RAPGEF4: variants seen among roughly 807,000 people sequenced by gnomAD.
The protein encoded by RAPGEF4 is RAP guanine-nucleotide-exchange factor (GEF) 4.
A neutral mutation model predicts 147.9 loss-of-function variants in RAPGEF4; 66 were observed. That is an observed-to-expected ratio of 0.45 (90% CI 0.37 to 0.55). The LOEUF is 0.55. Ranked by LOEUF, RAPGEF4 falls within the 20% of genes least tolerant of loss-of-function variation. The pLI is 0.00. For synonymous variants in RAPGEF4, 419 were observed against 442.7 expected (o/e 0.95, Z 0.67); for missense variants, 1,071 against 1,257.3 (o/e 0.85, Z 2.24).
rs910237560 is a variant in RAPGEF4 at position 172,988,773 on chromosome 2, C to A, written c.1308C>A (p.Ile436=). 5.6e-6 allele frequency: 9 copies of A among 1,612,792 alleles called. No individual in the cohort carries two copies. In the African/African-American group the frequency reaches 8.0e-5, roughly 14 times the overall value. ...ATGATGCCCCACGAGCTGCCTCTAT[C>A]GTCTTACGAGAAGATAACTGCCATT... The part of the protein sequence containing the change: ...LVNDAPRAAS[I]VLREDNCHFL... Residue 436 remains isoleucine (I), a synonymous_variant, in exon 14 of 31, where the codon ATC becomes ATA. Coordinates refer to ENST00000397081, the MANE Select transcript of RAPGEF4 (RefSeq NM_007023.4).
chr2:172,872,031 T>C (rs1384496168), intron 4 of RAPGEF4, among the ~76,000 whole-genome samples: 1 of 152,150 alleles, frequency 6.6e-6, no homozygotes, highest in African/African-American at 2.4e-5. Context: ...TAAGAGATAA[T>C]AGCATATCTG....
intron 1 of RAPGEF4, chr2:172,744,558 G>C: frequency 9.0e-6 from 3 of 333,410 alleles, no homozygotes; most frequent in Non-Finnish European, 1.8e-5. Flanking sequence ...TTTTGGGCAA[G>C]TTATTTGGTT....
chr2:172,771,311 T>A (rs1036847513), intron 1 of RAPGEF4, among the ~76,000 whole-genome samples: 1 of 151,724 alleles, frequency 6.6e-6, no homozygotes, highest in Non-Finnish European at 1.5e-5. Flanking sequence ...TCATGAGGAC[T>A]CCTCCCAAAG....
chr2:172,792,611 G>A (rs1400406431), intron 1 of RAPGEF4, among the ~76,000 whole-genome samples: 1 of 152,134 alleles, frequency 6.6e-6, no homozygotes, highest in African/African-American at 2.4e-5. Flanking sequence ...AAAGTGTGAT[G>A]GGGTGAAAAT....
Position 172,961,232 on chromosome 2 carries a change from T to A in RAPGEF4, c.698+4T>A. 1.3e-6 allele frequency: 2 copies of A among 1,559,592 alleles called. No homozygotes were observed. Among genetic ancestry groups the A allele is most frequent in the Non-Finnish European group, 1.8e-6 (2 of 1,130,606 alleles). On this transcript the variant is annotated splice_donor_region_variant and intron_variant, in intron 8 of 30. Coordinates refer to ENST00000397081, the MANE Select transcript of RAPGEF4 (RefSeq NM_007023.4). ...AATACCACCTAAAGACATACAGGTA[T>A]GTGTGCTAATTCTAAAGGCTGTGCC...
chr2:172,843,967 A>G (rs1238567974), intron 4 of RAPGEF4, among the ~76,000 whole-genome samples: 2 of 152,218 alleles, frequency 1.3e-5, no homozygotes, highest in African/African-American at 2.4e-5. Context: ...TATCTCTGAC[A>G]GGTGCTGGTA....
chr2:172,772,404 C>T (rs936029925), intron 1 of RAPGEF4, among the ~76,000 whole-genome samples: 2 of 151,618 alleles, frequency 1.3e-5, no homozygotes, highest in East Asian at 1.9e-4. Flanking sequence ...AGTGCAGTGG[C>T]GCAATCTTGG....
chr2:173,012,298 T>A (rs1056218817), intron 17 of RAPGEF4, among the ~76,000 whole-genome samples: 1 of 152,174 alleles, frequency 6.6e-6, no homozygotes, highest in South Asian at 2.1e-4. Context: ...CCCAGCCTAA[T>A]GGGAGCTTTG....
intron 6 of RAPGEF4, among the ~76,000 whole-genome samples, chr2:172,960,240 C>G (rs182488089): frequency 2.0e-5 from 3 of 152,210 alleles, no homozygotes; most frequent in African/African-American, 7.2e-5. Context: ...GCTCTAGGAG[C>G]TTGAGTGCAT....
At chr2:172,978,442 C>G (rs2105615175) in intron 10 of RAPGEF4, among the ~76,000 whole-genome samples, 1 of 152,348 alleles carries the variant, frequency 6.6e-6, no homozygotes, top group Non-Finnish European at 1.5e-5. Context: ...TTCACACCCT[C>G]TGTTCTGCTT....
chr2:172,917,603 G>A (rs903584896), intron 4 of RAPGEF4, 199 bp from the exon 5 acceptor site: 11 of 680,174 alleles, frequency 1.6e-5, no homozygotes, highest in African/African-American at 8.9e-5. Flanking sequence ...GGCACATTCA[G>A]TCTTATTCAG....
intron 5 of RAPGEF4, among the ~76,000 whole-genome samples, chr2:172,921,719 C>G (rs900523480): frequency 6.6e-6 from 1 of 152,174 alleles, no homozygotes; most frequent in Non-Finnish European, 1.5e-5. Flanking sequence ...GAGTCATTAG[C>G]CTTCTAGCTC....
chr2:172,903,274 C>T (rs1400498746), intron 4 of RAPGEF4, among the ~76,000 whole-genome samples: 2 of 148,268 alleles, frequency 1.3e-5, no homozygotes, highest in Admixed American at 1.4e-4. Flanking sequence ...GAGGCTGAGG[C>T]AGGAGAACGG....
chr2:172,870,452 G>C (rs1991174), intron 4 of RAPGEF4, among the ~76,000 whole-genome samples: 96,891 of 151,936 alleles, frequency 0.64, 31,177 homozygotes, highest in East Asian at 0.84. Flanking sequence ...AAAAATGCCA[G>C]TTCAATCTTT....
chr2:172,938,029 C>T (rs1048983379), intron 6 of RAPGEF4, among the ~76,000 whole-genome samples: 4 of 152,042 alleles, frequency 2.6e-5, no homozygotes, highest in South Asian at 2.1e-4. Flanking sequence ...TATATATTCT[C>T]GGCTCTAGTC....
chr2:172,840,432 C>A, intron 4 of RAPGEF4, among the ~76,000 whole-genome samples: 2 of 152,334 alleles, frequency 1.3e-5, no homozygotes, highest in South Asian at 4.1e-4. Flanking sequence ...ATCTGCACAA[C>A]GCCTATTCTA....
At chr2:172,916,562 G>A (rs556224929) in intron 4 of RAPGEF4, among the ~76,000 whole-genome samples, 1 of 152,312 alleles carries the variant, frequency 6.6e-6, no homozygotes, top group South Asian at 2.1e-4. Context: ...AATGCAGGGT[G>A]ATATATTGGT....
chr2:173,016,995 C>A (rs950934310), intron 19 of RAPGEF4, among the ~76,000 whole-genome samples, 179 bp from the exon 20 acceptor site: 2 of 152,208 alleles, frequency 1.3e-5, no homozygotes, highest in Non-Finnish European at 2.9e-5. Context: ...GAGCTGATAT[C>A]TTTGCTGTCT....
chr2:173,036,073 G>T, intron 27 of RAPGEF4, 52 bp from the exon 28 acceptor site: 1 of 1,332,500 alleles, frequency 7.5e-7, no homozygotes, highest in South Asian at 1.2e-5. Flanking sequence ...AGGTAACAAA[G>T]GGTGGTGTAT....
Sources: gnomAD v4.1 joint callset for allele counts (sites outside exome capture counted in the v4.1 genomes callset) on GRCh38, gnomAD v4.1.1 for gene constraint, MANE v1.5 for transcripts, NCBI Gene and HGNC (gene_info 2026-07-23, HGNC 2026-07-21) for gene names.